Variants in NTF4 observed in about 807,000 individuals in gnomAD.
The protein encoded by NTF4 is neurotrophin 4.
Under a neutral mutation model 4.4 loss-of-function variants are expected in NTF4, and 2 were observed. That is an observed-to-expected ratio of 0.46 (90% confidence interval 0.19 to 1.44). NTF4 has a LOEUF of 1.44. NTF4 is among the 40% of genes most tolerant of loss of function. The pLI, the probability that NTF4 is intolerant of heterozygous loss-of-function variation, is 0.26. For missense variants in NTF4, 260 were observed against 293.0 expected, an observed-to-expected ratio of 0.89 and a Z score of 0.82; for synonymous variants, 127 against 122.0, an observed-to-expected ratio of 1.04 and a Z score of -0.27.
rs922351065 is a variant in NTF4, at chr19:49,061,519, C to T, written c.479G>A (p.Gly160Glu). ...AGATACCCAGTGCCTCCTGTCCACT[C>T]CCCGGCAGCCCCCTCCACCTGCCCC... The change falls in exon 1 of 1, where the codon GGA (glycine) becomes GAA (glutamate). Residue 160 changes from glycine to glutamate, a missense_variant. Coordinates refer to ENST00000593537, the Ensembl canonical transcript of NTF4. The surrounding 1 kb of genome is among the most constrained non-coding windows in gnomAD (Gnocchi z 4.9). 1.9e-6 allele frequency: 3 copies of T among 1,614,076 alleles called. No individual in the cohort carries two copies. The African/African-American group carries it at 4.0e-5, about 22-fold the overall frequency.
chr19:49,063,705 G>C (rs1282282509), upstream of NTF4: 1 of 152,186 alleles, frequency 6.6e-6, no homozygotes, highest in East Asian at 1.9e-4. Context: ...GGGTGGCGTG[G>C]AGAAGACTGG....
Position 49,061,650 on chromosome 19 carries a change from G to A in NTF4, c.348C>T (p.Arg116=), listed in dbSNP as rs1312682096. ...GCACCTCGCCCAACACCTCCACCTC[G>A]CGCCCACGCAAGTCCACAGCGGTCC... Residue 116 remains arginine (R), a synonymous_variant, in exon 1 of 1, where the codon CGC becomes CGT. Coordinates refer to ENST00000593537, the Ensembl canonical transcript of NTF4. The surrounding 1 kb of genome is among the most constrained non-coding windows in gnomAD (Gnocchi z 4.9). 8 of 1,613,516 alleles carry A rather than the reference G, an allele frequency of 5.0e-6. No homozygotes were observed. Among genetic ancestry groups the A allele is most frequent in the East Asian group, 2.2e-5 (1 of 44,896 alleles).
At chr19:49,059,620 T>C (rs2040108698), downstream of NTF4, among the ~76,000 whole-genome samples, 1 of 152,050 alleles carries the variant, frequency 6.6e-6, no homozygotes, top group South Asian at 2.1e-4. Flanking sequence ...CGGGGAGAAG[T>C]TGCCTATGTC....
Position 49,061,994 on chromosome 19 carries a change from G to C in NTF4, c.4C>G (p.Leu2Val). 1 of 1,464,396 alleles carries C rather than the reference G, an allele frequency of 6.8e-7. No individual in the cohort carries two copies. Among genetic ancestry groups the C allele is most frequent in the South Asian group, 1.4e-5 (1 of 70,716 alleles). The allele number at this position is 1,464,396 out of a possible 1,614,324, so 90.7% of individuals were successfully genotyped here. ...GGGAGGGAGCATGAGGGGAGAGGGAGCATCTCTCGGAGCACCTGGAGACAG... is the reference window on the plus strand; with the variant it reads ...GGGAGGGAGCATGAGGGGAGAGGGACCATCTCTCGGAGCACCTGGAGACAG... The change falls in exon 1 of 1, where the codon CTC (leucine) becomes GTC (valine). Residue 2 changes from leucine to valine, a missense_variant. Leu to Val is a conservative substitution (Grantham distance 32). Coordinates refer to ENST00000593537, the Ensembl canonical transcript of NTF4. This position sits in a 1 kb window ranked among gnomAD's most constrained non-coding sequence, Gnocchi z 4.9.
In NTF4 at chr19:49,061,855, A is replaced by AG; in HGVS notation, c.142dup (p.Leu48ProfsTer3). 1 of 1,546,448 alleles carries AG rather than the reference A, an allele frequency of 6.5e-7. No individual in the cohort carries two copies. The highest frequency in any genetic ancestry group is 8.7e-7 in the Non-Finnish European group (1 of 1,143,726). The stretch of plus-strand genomic sequence containing the variant: ...GGGCCCAGCAGGGGCACCCCTAGAC[A>AG]GGACTACTCGGGGGGAGAGAAGGTC... On this transcript the variant is annotated frameshift_variant, in exon 1 of 1. Transcript: ENST00000593537. LOFTEE classifies it low-confidence loss of function (END_TRUNC). This position sits in a 1 kb window ranked among gnomAD's most constrained non-coding sequence, Gnocchi z 4.9.
chr19:49,062,505 C>T (rs116872415), upstream of NTF4, among the ~76,000 whole-genome samples: 2,056 of 151,930 alleles, frequency 0.014, 31 homozygotes, highest in South Asian at 0.051. Flanking sequence ...AAAAATAAGG[C>T]CAGGCATGGT....
downstream of NTF4, chr19:49,058,604 C>G: frequency 2.2e-6 from 1 of 454,688 alleles, no homozygotes; most frequent in South Asian, 4.6e-5. Flanking sequence ...AGCCTAGGGT[C>G]TGCCCACCTG....
chr19:49,062,090 A>T, upstream of NTF4: 4 of 1,399,750 alleles, frequency 2.9e-6, no homozygotes, highest in Non-Finnish European at 2.8e-6. Context: ...ACCCCAGGGG[A>T]GGCTTGCCTG....
rs370717457 is a variant in NTF4, at chr19:49,061,466, G to A, written c.532C>T (p.Arg178Trp). Residue 178 changes from arginine to tryptophan, a missense_variant, in exon 1 of 1, where the codon CGG becomes TGG. By Grantham distance (101) the Arg-to-Trp change is moderately radical. Transcript: ENST00000593537. The surrounding 1 kb of genome is among the most constrained non-coding windows in gnomAD (Gnocchi z 4.9). Reference sequence around the variant, plus strand: ...CCCTGGGCATCAGCGGTCAATGCCCGCACATAGGACTGCTTGGCCTTGCAC... The same window carrying A: ...CCCTGGGCATCAGCGGTCAATGCCCACACATAGGACTGCTTGGCCTTGCAC... The A allele has an allele frequency of 1.9e-5, 31 of 1,613,952 alleles. No individual in the cohort carries two copies. Among genetic ancestry groups the A allele is most frequent in the African/African-American group, 4.0e-5 (3 of 75,054 alleles).
At chr19:49,060,036 C>CAAAAAAAAA (rs55870191), downstream of NTF4, among the ~76,000 whole-genome samples, 269 of 28,438 alleles carry the variant, frequency 9.5e-3, 60 homozygotes, top group African/African-American at 0.015. Flanking sequence ...GACTCCATCT[C>CAAAAAAAAA]AAAAAAAAAA....
downstream of NTF4, among the ~76,000 whole-genome samples, chr19:49,060,187 C>T (rs1429084888): frequency 6.6e-6 from 1 of 151,870 alleles, no homozygotes; most frequent in Non-Finnish European, 1.5e-5. Context: ...CCACTTACCC[C>T]TCCTCCCCCA....
downstream of NTF4, chr19:49,060,956 T>A (rs941360097): frequency 3.2e-5 from 7 of 215,978 alleles, no homozygotes; most frequent in Non-Finnish European, 5.6e-5. Flanking sequence ...TTCTAGTTTC[T>A]CTCCTCCTCC....
At chr19:49,062,978 C>T (rs963595581), upstream of NTF4, among the ~76,000 whole-genome samples, 2 of 151,974 alleles carry the variant, frequency 1.3e-5, no homozygotes, top group African/African-American at 2.4e-5. Flanking sequence ...TCTGAGGAAC[C>T]GACAGTCTTG....
chr19:49,062,074 T>A, upstream of NTF4: 3 of 1,418,348 alleles, frequency 2.1e-6, no homozygotes, highest in Non-Finnish European at 2.8e-6. Context: ...GGGAAAGAAG[T>A]TGGGAACCCC....
downstream of NTF4, among the ~76,000 whole-genome samples, chr19:49,059,353 T>G (rs1398591993): frequency 6.6e-6 from 1 of 151,868 alleles, no homozygotes; most frequent in Non-Finnish European, 1.5e-5. Flanking sequence ...TAGAGAGAAG[T>G]GCACCGGACC....
downstream of NTF4, chr19:49,058,530 C>G (rs1020552705): frequency 3.8e-6 from 2 of 523,424 alleles, no homozygotes. Context: ...AGAGAGGAGT[C>G]CAAGCTCCCA....
At chr19:49,059,238 C>T (rs757320236), downstream of NTF4, among the ~76,000 whole-genome samples, 1 of 152,148 alleles carries the variant, frequency 6.6e-6, no homozygotes, top group Non-Finnish European at 1.5e-5. Flanking sequence ...CAACCCTTCC[C>T]GCACGTGCTG....
Position 49,061,593 on chromosome 19 carries a change from G to A in NTF4, c.405C>T (p.Tyr135=). 6.2e-7 allele frequency: 1 copy of A among 1,614,074 alleles called. No homozygotes were observed. Among genetic ancestry groups the A allele is most frequent in the Non-Finnish European group, 8.5e-7 (1 of 1,180,032 alleles). Residue 135 remains tyrosine, a synonymous_variant, in exon 1 of 1, where the codon TAC becomes TAT. Coordinates refer to ENST00000593537, the Ensembl canonical transcript of NTF4. This position sits in a 1 kb window ranked among gnomAD's most constrained non-coding sequence, Gnocchi z 4.9. Reference sequence around the variant, plus strand: ...CAGCCTTGCAGCGGGTTTCAAAGAAGTACTGGCGGAGGGGACTGCCGCCAG... The same window carrying A: ...CAGCCTTGCAGCGGGTTTCAAAGAAATACTGGCGGAGGGGACTGCCGCCAG...
In NTF4 at chr19:49,061,481, T is replaced by A. The variant is rs367957078; in HGVS notation, c.517A>T (p.Lys173Ter). Residue 173 changes from lysine (K) to a stop codon, truncating the protein, a stop_gained, in exon 1 of 1, where the codon AAG becomes TAG. Coordinates refer to ENST00000593537, the Ensembl canonical transcript of NTF4. LOFTEE classifies it high-confidence loss of function. The surrounding 1 kb of genome is among the most constrained non-coding windows in gnomAD (Gnocchi z 4.9). The stretch of plus-strand genomic sequence containing the variant: ...GTCAATGCCCGCACATAGGACTGCT[T>A]GGCCTTGCACTCAGATACCCAGTGC... 6 of 1,613,906 alleles carry A rather than the reference T, an allele frequency of 3.7e-6. No individual in the cohort carries two copies. In the African/African-American group the frequency reaches 8.0e-5, roughly 22 times the overall value.
Sources: allele counts gnomAD v4.1 joint callset (sites outside exome capture counted in the v4.1 genomes callset), GRCh38; gene constraint gnomAD v4.1.1; non-coding constraint Gnocchi (gnomAD v3.1); transcripts MANE v1.5; gene names NCBI Gene and HGNC (gene_info 2026-07-23, HGNC 2026-07-21).